The following KCNRG variants were observed in gnomAD, a reference collection of about 807,000 sequenced individuals.
KCNRG encodes the protein potassium channel regulator, also known as potassium channel regulatory protein.
Under a neutral mutation model 17.7 loss-of-function variants are expected in KCNRG, and 17 were observed. The observed-to-expected ratio is 0.96, with a 90% CI of 0.66 to 1.44. KCNRG has a LOEUF of 1.44. Ranked by LOEUF, KCNRG falls within the 40% of genes most tolerant of loss-of-function variation. The pLI, the probability that KCNRG is intolerant of heterozygous loss-of-function variation, is 0.00. For missense variants in KCNRG, 311 were observed against 321.1 expected, an observed-to-expected ratio of 0.97 and a Z score of 0.24; for synonymous variants, 97 against 116.5, an observed-to-expected ratio of 0.83 and a Z score of 1.08.
In KCNRG at chr13:50,020,399, A is replaced by G; in HGVS notation, c.764A>G (p.Glu255Gly). Residue 255 changes from glutamate (E) to glycine (G), a missense_variant, in exon 2 of 2, where the codon GAA (glutamate) becomes GGA (glycine). By Grantham distance (98) the Glu-to-Gly change is moderately conservative (BLOSUM62 -2). Coordinates refer to ENST00000312942, the MANE Select transcript of KCNRG (RefSeq NM_173605.2). ...IKSPEVLITNETPKPETIIIP... is the reference protein window; with the variant it reads ...IKSPEVLITNGTPKPETIIIP... ...AGCCCTGAAGTGCTCATCACGAATG[A>G]AACACCAAAACCAGAGACTATCATC... 1.2e-6 allele frequency: 2 copies of G among 1,614,100 alleles called. No homozygotes were observed. The highest frequency in any genetic ancestry group is 1.1e-5 in the South Asian group (1 of 91,084).
rs1876518041 is a variant in KCNRG, at chr13:50,016,073, T to A, written c.578+2T>A. ...TACTGATAACCAAACTGGAGTCAGG[T>A]ATTTTGTACTTTGCAGTATTTCTCT... is the stretch of plus-strand genomic sequence containing the variant. On this transcript the variant is annotated splice_donor_variant, in intron 1 of 1. Transcript: ENST00000312942. LOFTEE classifies it high-confidence loss of function. 1 of 1,608,462 alleles carries A rather than the reference T, an allele frequency of 6.2e-7. No homozygotes were observed. Among genetic ancestry groups the A allele is most frequent in the African/African-American group, 1.3e-5 (1 of 74,782 alleles).
At position 50,016,010 on chromosome 13, in the gene KCNRG, T is replaced by C; in HGVS notation, c.517T>C (p.Tyr173His). 6.2e-7 allele frequency: 1 copy of C among 1,614,112 alleles called. No individual in the cohort carries two copies. The highest frequency in any genetic ancestry group is 1.1e-5 in the South Asian group (1 of 91,080). The part of the protein sequence containing the change: ...LLPLPPQRPS[Y>H]HDLVFQCGSD... ...TCCACTGCCTCCACAAAGACCTTCT[T>C]ACCATGACCTGGTTTTCCAGTGTGG... Residue 173 changes from tyrosine (Y) to histidine (H), a missense_variant, in exon 1 of 2, where the codon TAC (tyrosine) becomes CAC (histidine). Coordinates refer to ENST00000312942, the MANE Select transcript of KCNRG (RefSeq NM_173605.2).
intron 1 of KCNRG, chr13:50,017,820 G>A (rs1224096225): frequency 6.0e-6 from 1 of 166,992 alleles, no homozygotes; most frequent in Non-Finnish European, 1.5e-5. Flanking sequence ...GAATCTATCT[G>A]TCTATTCAGA....
chr13:50,015,870 T>C lies in KCNRG; in HGVS notation c.377T>C (p.Phe126Ser). 1 of 1,614,166 alleles carries C rather than the reference T, an allele frequency of 6.2e-7. No individual in the cohort carries two copies. The highest frequency in any genetic ancestry group is 8.5e-7 in the Non-Finnish European group (1 of 1,179,998). Residue 126 changes from phenylalanine to serine, a missense_variant, in exon 1 of 2, where the codon TTT becomes TCT. Coordinates refer to ENST00000312942, the MANE Select transcript of KCNRG (RefSeq NM_173605.2). ...SRNTQAFFRV[F>S]GSCSKTIEML... Reference sequence around the variant, plus strand: ...AACACTCAAGCTTTTTTCAGGGTGTTTGGCTCTTGCAGCAAAACAATTGAG... The same window carrying C: ...AACACTCAAGCTTTTTTCAGGGTGTCTGGCTCTTGCAGCAAAACAATTGAG...
At position 50,020,358 on chromosome 13, in the gene KCNRG, C is replaced by T. The variant is rs1187353368; in HGVS notation, c.723C>T (p.Ser241=). ...VSSEDKTECY[S]FERIKSPEVL... ...CTGAAGACAAAACTGAATGCTATAG[C>T]TTTGAAAGGATAAAAAGCCCTGAAG... Residue 241 remains serine (S), a synonymous_variant, in exon 2 of 2, where the codon AGC becomes AGT. Transcript: ENST00000312942. 2 of 1,614,000 alleles carry T rather than the reference C, an allele frequency of 1.2e-6. No individual in the cohort carries two copies. The highest frequency in any genetic ancestry group is 4.5e-5 in the East Asian group (2 of 44,872).
chr13:50,016,031 T>A lies in KCNRG; in HGVS notation c.538T>A (p.Cys180Ser). The change falls in exon 1 of 2, where the codon TGT becomes AGT. Residue 180 changes from cysteine to serine, a missense_variant. By Grantham distance (112) the Cys-to-Ser change is moderately radical. Coordinates refer to ENST00000312942, the MANE Select transcript of KCNRG (RefSeq NM_173605.2). The stretch of plus-strand genomic sequence containing the variant: ...TTCTTACCATGACCTGGTTTTCCAG[T>A]GTGGTTCTGACAGCACTACTGATAA... ...RPSYHDLVFQCGSDSTTDNQT... is the reference protein window; with the variant it reads ...RPSYHDLVFQSGSDSTTDNQT... 2 of 1,614,124 alleles carry A rather than the reference T, an allele frequency of 1.2e-6. No individual in the cohort carries two copies. Among genetic ancestry groups the A allele is most frequent in the Non-Finnish European group, 1.7e-6 (2 of 1,179,952 alleles).
At position 50,020,679 on chromosome 13, in the gene KCNRG, A is replaced by G. The variant is rs1877109694; in HGVS notation, c.*225A>G. The G allele has an allele frequency of 2.2e-6, 1 of 462,668 alleles. No individual in the cohort carries two copies. The highest frequency in any genetic ancestry group is 3.2e-5 in the South Asian group (1 of 31,200). The allele number at this position is 462,668 out of a possible 1,614,324, so 28.7% of individuals were successfully genotyped here. ...TTGGTATATGTTCTACCTTCAATAC[A>G]TCTTTCCCTTTCTCTTCTTCATGAA... On this transcript the variant is annotated 3_prime_UTR_variant, in exon 2 of 2. Coordinates refer to ENST00000312942, the MANE Select transcript of KCNRG (RefSeq NM_173605.2).
In KCNRG at chr13:50,015,829, A is replaced by G. The variant is rs765481496; in HGVS notation, c.336A>G (p.Val112=). 1 of 1,614,056 alleles carries G rather than the reference A, an allele frequency of 6.2e-7. No homozygotes were observed. Among genetic ancestry groups the G allele is most frequent in the Non-Finnish European group, 8.5e-7 (1 of 1,180,000 alleles). ...AGCCAAGACCTGCTCTTGTGGAGGT[A>G]CATTTCCTAAGCCGGAACACTCAAG... ...LLQPRPALVE[V]HFLSRNTQAF... is the part of the protein sequence containing the mutation. Residue 112 remains valine, a synonymous_variant, in exon 1 of 2, where the codon GTA becomes GTG. Transcript: ENST00000312942.
chr13:50,020,389 A>C lies in KCNRG; in HGVS notation c.754A>C (p.Ile252Leu). ...AAGGATAAAAAGCCCTGAAGTGCTCATCACGAATGAAACACCAAAACCAGA... is the reference window on the plus strand; with the variant it reads ...AAGGATAAAAAGCCCTGAAGTGCTCCTCACGAATGAAACACCAAAACCAGA... ...FERIKSPEVLITNETPKPETI... is the reference protein window; with the variant it reads ...FERIKSPEVLLTNETPKPETI... The change falls in exon 2 of 2, where the codon ATC (isoleucine) becomes CTC (leucine). Residue 252 changes from isoleucine (I) to leucine (L), a missense_variant. Coordinates refer to ENST00000312942, the MANE Select transcript of KCNRG (RefSeq NM_173605.2). 6.2e-7 allele frequency: 1 copy of C among 1,614,096 alleles called. No individual in the cohort carries two copies. The highest frequency in any genetic ancestry group is 8.5e-7 in the Non-Finnish European group (1 of 1,179,918).
In KCNRG at chr13:50,018,548, A is replaced by G. The variant is rs186704505; in HGVS notation, c.579-1666A>G. 15 of 154,884 alleles carry G rather than the reference A, an allele frequency of 9.7e-5. No homozygotes were observed. In the East Asian group the frequency reaches 2.9e-3, roughly 30 times the overall value. The allele number at this position is 154,884 out of a possible 1,614,324, so 9.6% of individuals were successfully genotyped here. On this transcript the variant is annotated intron_variant, in intron 1 of 1. Coordinates refer to ENST00000312942, the MANE Select transcript of KCNRG (RefSeq NM_173605.2). ...TTTCTAAATGTGAACTACAAAAACC[A>G]CTCTACTTCAAGCATGATCATTAGA...
intron 1 of KCNRG, chr13:50,016,425 G>T (rs1194890653): frequency 8.9e-6 from 2 of 224,902 alleles, no homozygotes; most frequent in Non-Finnish European, 9.5e-6. Flanking sequence ...GATTGTTTCA[G>T]TGGTTCACAT....
intron 1 of KCNRG, among the ~76,000 whole-genome samples, chr13:50,019,520 G>T (rs530980981): frequency 1.3e-5 from 2 of 152,314 alleles, no homozygotes; most frequent in Middle Eastern, 3.4e-3. Context: ...AGGGGAAATT[G>T]TAAGTGCACA....
rs368858966 is a variant in KCNRG, at chr13:50,020,186, T to C, written c.579-28T>C. On this transcript the variant is annotated intron_variant, in intron 1 of 1. Coordinates refer to ENST00000312942, the MANE Select transcript of KCNRG (RefSeq NM_173605.2). ...TGCTAGTTATTAAAGGGATGCTTTA[T>C]AATTAAGCTTCTTTTTGTGTGTCCT... 215 of 1,607,726 alleles carry C rather than the reference T, an allele frequency of 1.3e-4. 1 individual carries two copies. The highest frequency in any genetic ancestry group is 1.8e-4 in the Non-Finnish European group (212 of 1,176,866).
At position 50,015,954 on chromosome 13, in the gene KCNRG, G is replaced by GTT. The variant is rs756493088; in HGVS notation, c.462_463insTT (p.Asn155LeufsTer8). On this transcript the variant is annotated frameshift_variant, in exon 1 of 2. Transcript: ENST00000312942. LOFTEE classifies it high-confidence loss of function. Reference sequence around the variant, plus strand: ...CAACCTTCAGCGCCGACCTGGAATGGTAACTTTTTCCCTCCTCAGATGACC... The same window carrying GTT: ...CAACCTTCAGCGCCGACCTGGAATGGTTTAACTTTTTCCCTCCTCAGATGACC... The GTT allele has an allele frequency of 6.2e-7, 1 of 1,614,062 alleles. No homozygotes were observed. The highest frequency in any genetic ancestry group is 2.2e-5 in the East Asian group (1 of 44,876).
chr13:50,020,604 T>G lies in KCNRG; in HGVS notation c.*150T>G. ...CTGGGCAACCAGGCCCCAACTGTGC[T>G]TAAGCCATAATGCCTGCTGCTCTCT... is the stretch of plus-strand genomic sequence containing the variant. On this transcript the variant is annotated 3_prime_UTR_variant, in exon 2 of 2. Transcript: ENST00000312942. 1 of 734,952 alleles carries G rather than the reference T, an allele frequency of 1.4e-6. No homozygotes were observed. Among genetic ancestry groups the G allele is most frequent in the South Asian group, 1.8e-5 (1 of 54,942 alleles). The allele number at this position is 734,952 out of a possible 1,614,324, so 45.5% of individuals were successfully genotyped here. A position where few individuals can be genotyped will look rare whatever the true frequency, so the allele number is the denominator to read the frequency against.
rs11284044 is a variant in KCNRG at position 50,019,151 on chromosome 13, GTT to G, written c.579-1053_579-1052del. The stretch of plus-strand genomic sequence containing the variant: ...GTGCATTTTTTTCTTTTTTTCTTTT[GTT>G]TTTTTTTTTGAGACGGAGTCTCGCT... On this transcript the variant is annotated intron_variant, in intron 1 of 1. Transcript: ENST00000312942. Among the ~76,000 whole-genome samples, 29 of 144,008 alleles carry G rather than the reference GTT, an allele frequency of 2.0e-4. No individual in the cohort carries two copies. In the South Asian group the frequency reaches 4.2e-3, roughly 21 times the overall value. The allele number at this position is 144,008 out of a possible 152,430, so 94.5% of individuals were successfully genotyped here.
chr13:50,016,489 C>T (rs1566450565), intron 1 of KCNRG: 1 of 171,132 alleles, frequency 5.8e-6, no homozygotes, highest in Non-Finnish European at 1.4e-5. Flanking sequence ...ATAAGTTGTT[C>T]TTTCAGTTTT....
chr13:50,017,891 G>T (rs898875135), intron 1 of KCNRG: 1 of 167,064 alleles, frequency 6.0e-6, no homozygotes, highest in Admixed American at 6.5e-5. Context: ...ATTGTCTGGT[G>T]TATCATTCAC....
chr13:50,016,407 T>A, intron 1 of KCNRG: 1 of 240,866 alleles, frequency 4.2e-6, no homozygotes, highest in Non-Finnish European at 8.7e-6. Flanking sequence ...ATTGCCTTAT[T>A]TTTAAGAGAT....
Sources: gnomAD v4.1 joint callset for allele counts (sites outside exome capture counted in the v4.1 genomes callset) on GRCh38, gnomAD v4.1.1 for gene constraint, MANE v1.5 for transcripts, NCBI Gene and HGNC (gene_info 2026-07-23, HGNC 2026-07-21) for gene names.